The following DNAH7 variants were observed in gnomAD, a reference collection of about 807,000 sequenced individuals.
The protein encoded by DNAH7 is dynein axonemal heavy chain 7, also known as axonemal beta dynein heavy chain 7.
Under a neutral mutation model 444.6 loss-of-function variants are expected in DNAH7, and 397 were observed. The ratio of observed to expected loss-of-function variants is 0.89; its 90% CI spans 0.82 to 0.97. The LOEUF (loss-of-function observed/expected upper bound fraction) is 0.97. Ranked by LOEUF, DNAH7 falls within the 50% of genes least tolerant of loss-of-function variation. The pLI, the probability that DNAH7 is intolerant of heterozygous loss-of-function variation, is 0.00. For missense variants in DNAH7, 4,902 were observed against 4,800.8 expected (o/e 1.02, Z -0.62); for synonymous variants, 1,636 against 1,624.4 (o/e 1.01, Z -0.17).
At chr2:195,866,676 G>A (rs1261042243) in intron 40 of DNAH7, among the ~76,000 whole-genome samples, 1 of 152,162 alleles carries the variant, frequency 6.6e-6, no homozygotes, top group East Asian at 1.9e-4. Context: ...GCAAATTCCT[G>A]GGCCCCACAG....
chr2:195,955,092 C>T (rs1320303589), intron 19 of DNAH7, among the ~76,000 whole-genome samples: 1 of 152,154 alleles, frequency 6.6e-6, no homozygotes, highest in Non-Finnish European at 1.5e-5. Flanking sequence ...GACATGAAGT[C>T]CTTGCCCATG....
intron 30 of DNAH7, chr2:195,892,447 A>G (rs972397558): frequency 6.6e-6 from 1 of 151,992 alleles, no homozygotes; most frequent in Non-Finnish European, 1.5e-5. Flanking sequence ...CTATGGCATT[A>G]TAAGAGATAT....
chr2:195,977,468 G>T (rs1222866956), intron 15 of DNAH7, among the ~76,000 whole-genome samples: 5 of 151,988 alleles, frequency 3.3e-5, no homozygotes, highest in African/African-American at 1.2e-4. Flanking sequence ...AAGAAAAAGG[G>T]ATAAAAAAGA....
chr2:195,967,738 T>C (rs1691577913), intron 17 of DNAH7, among the ~76,000 whole-genome samples: 1 of 152,238 alleles, frequency 6.6e-6, no homozygotes. Context: ...CATTGTGTGC[T>C]ATTTGTTTCT....
At chr2:195,977,258 G>A (rs533436952) in intron 15 of DNAH7, among the ~76,000 whole-genome samples, 2 of 152,268 alleles carry the variant, frequency 1.3e-5, no homozygotes, top group South Asian at 4.1e-4. Flanking sequence ...ATAACACCAT[G>A]AAGGAATTCA....
intron 1 of DNAH7, chr2:196,068,356 G>A: frequency 2.7e-6 from 1 of 372,564 alleles, no homozygotes; most frequent in Admixed American, 4.6e-5. Context: ...TCCCACCTTA[G>A]AACCCAAACC....
At chr2:195,852,680 G>T (rs1334842929) in intron 46 of DNAH7, among the ~76,000 whole-genome samples, 2 of 152,142 alleles carry the variant, frequency 1.3e-5, no homozygotes, top group Non-Finnish European at 2.9e-5. Context: ...TAACTCCTAG[G>T]GTTAGATGTT....
At position 195,950,851 on chromosome 2, in the gene DNAH7, C is replaced by CAAAAAAAAAAAAAAAAA. The variant is rs67782183; in HGVS notation, c.3078+6393_3078+6409dup. ...TAGGCAACAGAGTGGGACTCTGTCT[C>CAAAAAAAAAAAAAAAAA]AAAAAAAAAAAAAAAAAAAAAAAAA... On this transcript the variant is annotated intron_variant, in intron 19 of 64. Coordinates refer to ENST00000312428, the MANE Select transcript of DNAH7 (RefSeq NM_018897.3). 1.9e-4 allele frequency among the ~76,000 whole-genome samples: 7 copies of CAAAAAAAAAAAAAAAAA among 36,716 alleles called. 1 individual carries two copies. The highest frequency in any genetic ancestry group is 1.1e-3 in the Admixed American group (2 of 1,784). 24.1% of individuals were successfully genotyped at this position (36,716 alleles called of 152,430 possible).
Position 195,855,931 on chromosome 2 carries a change from T to A in DNAH7, c.8475A>T (p.Lys2825Asn), listed in dbSNP as rs1699677928. 6.2e-7 allele frequency: 1 copy of A among 1,613,886 alleles called. No individual in the cohort carries two copies. The highest frequency in any genetic ancestry group is 8.5e-7 in the Non-Finnish European group (1 of 1,179,952). ...TCTTTCTAAGACCATCCATGGCAAT[T>A]TTAAGCTCCCCTTCAGCTGCAGCCA... ...IKLAAAEGEL[K>N]IAMDGLRKKQ... is the part of the protein sequence containing the mutation. The change falls in exon 45 of 65, where the codon AAA (lysine) becomes AAT (asparagine). Residue 2825 changes from lysine (K) to asparagine (N), a missense_variant. Lys to Asn is a moderately conservative substitution (Grantham distance 94, BLOSUM62 0). Transcript: ENST00000312428.
intron 5 of DNAH7, among the ~76,000 whole-genome samples, chr2:196,029,250 T>A (rs1559350532): frequency 7.4e-6 from 1 of 135,566 alleles, no homozygotes; most frequent in African/African-American, 3.6e-5. Context: ...CCTCAGTAAC[T>A]TTTGTTTGTT....
intron 17 of DNAH7, among the ~76,000 whole-genome samples, chr2:195,968,305 G>C (rs1691617808): frequency 6.6e-6 from 1 of 152,118 alleles, no homozygotes; most frequent in African/African-American, 2.4e-5. Flanking sequence ...CAGGGCCTAA[G>C]GGCTCTTTAG....
chr2:196,062,608 C>G (rs1698190906), intron 1 of DNAH7, among the ~76,000 whole-genome samples: 1 of 152,082 alleles, frequency 6.6e-6, no homozygotes, highest in South Asian at 2.1e-4. Context: ...ATCTACAGAC[C>G]TACTTACGAT....
At chr2:196,003,711 C>T (rs922386768) in intron 10 of DNAH7, among the ~76,000 whole-genome samples, 1 of 152,136 alleles carries the variant, frequency 6.6e-6, no homozygotes, top group African/African-American at 2.4e-5. Context: ...CTGCATCAAG[C>T]ATTCTAAATA....
intron 23 of DNAH7, 27 bp from the exon 24 acceptor site, chr2:195,922,224 TAAAC>T: frequency 4.5e-6 from 6 of 1,329,916 alleles, no homozygotes; most frequent in African/African-American, 1.4e-5. Context: ...AAAATGAAGT[TAAAC>T]AATAAAATTG....
At chr2:195,935,903 A>G (rs1312565952) in intron 20 of DNAH7, among the ~76,000 whole-genome samples, 2 of 152,118 alleles carry the variant, frequency 1.3e-5, no homozygotes, top group Admixed American at 6.6e-5. Context: ...GGGAATTGCA[A>G]AAAGGTTGGT....
rs202016271 is a variant in DNAH7, at chr2:195,799,430, G to A, written c.10219C>T (p.Arg3407Cys). Residue 3407 changes from arginine to cysteine, a missense_variant, in exon 55 of 65, where the codon CGT (arginine) becomes TGT (cysteine). Coordinates refer to ENST00000312428, the MANE Select transcript of DNAH7 (RefSeq NM_018897.3). ...LQEFIINRLG[R>C]AFIEPPPFDL... ...AAGGGGGGTGGTTCAATGAATGCAC[G>A]TCCCAATCTGTTGATTATAAATTCC... The A allele has an allele frequency of 3.2e-5, 52 of 1,605,878 alleles. No homozygotes were observed. The African/African-American group carries it at 3.5e-4, about 11-fold the overall frequency.
chr2:195,850,564 T>A (rs903129284), intron 46 of DNAH7, among the ~76,000 whole-genome samples: 2 of 152,164 alleles, frequency 1.3e-5, no homozygotes, highest in Non-Finnish European at 2.9e-5. Flanking sequence ...GTTTTATTTA[T>A]GAAAAGTGCC....
intron 10 of DNAH7, among the ~76,000 whole-genome samples, chr2:196,003,908 TA>T: frequency 6.6e-6 from 1 of 152,182 alleles, no homozygotes. Context: ...CTAATTACTT[TA>T]AAAATCAGTA....
chr2:195,821,329 A>C (rs1382819853), intron 49 of DNAH7, among the ~76,000 whole-genome samples: 1 of 152,074 alleles, frequency 6.6e-6, no homozygotes, highest in Non-Finnish European at 1.5e-5. Context: ...GCTGTTACTG[A>C]GGTTGCTGTT....
Sources: gnomAD v4.1 joint callset for allele counts (sites outside exome capture counted in the v4.1 genomes callset) on GRCh38, gnomAD v4.1.1 for gene constraint, MANE v1.5 for transcripts, NCBI Gene and HGNC (gene_info 2026-07-23, HGNC 2026-07-21) for gene names.